ABCB5: variants seen among roughly 807,000 people sequenced by gnomAD.
The protein encoded by ABCB5 is ATP-binding cassette sub-family B member 5.
A neutral mutation model predicts 144.2 loss-of-function variants in ABCB5; 155 were observed. The observed-to-expected ratio is 1.08, with a 90% CI of 0.94 to 1.23. The LOEUF is 1.23. ABCB5 is among the 50% of genes most tolerant of loss of function. The pLI, the probability that ABCB5 is intolerant of heterozygous loss-of-function variation, is 0.00. For missense variants in ABCB5, 1,830 were observed against 1,520.8 expected, an observed-to-expected ratio of 1.20 and a Z score of -3.38; for synonymous variants, 610 against 528.6, an observed-to-expected ratio of 1.15 and a Z score of -2.11.
At chr7:20,625,795 G>T (rs368670705) in intron 2 of ABCB5, among the ~76,000 whole-genome samples, 2 of 152,042 alleles carry the variant, frequency 1.3e-5, no homozygotes, top group African/African-American at 4.8e-5. Context: ...TTCTACTTCC[G>T]GGTATATACT....
chr7:20,665,172 T>C (rs957687544), intron 14 of ABCB5, among the ~76,000 whole-genome samples: 1 of 152,198 alleles, frequency 6.6e-6, no homozygotes, highest in Non-Finnish European at 1.5e-5. Context: ...GTTTCTTTTC[T>C]AAAGGGTCTT....
intron 14 of ABCB5, among the ~76,000 whole-genome samples, chr7:20,666,534 T>C (rs1785200817): frequency 6.6e-6 from 1 of 152,210 alleles, no homozygotes; most frequent in African/African-American, 2.4e-5. Context: ...AGGGATGTTT[T>C]AAAGCACCCT....
At chr7:20,693,040 G>T (rs1246591400) in intron 16 of ABCB5, among the ~76,000 whole-genome samples, 1 of 152,120 alleles carries the variant, frequency 6.6e-6, no homozygotes, top group African/African-American at 2.4e-5. Flanking sequence ...AACATTTGTA[G>T]AAGACTTCAC....
Position 20,742,893 on chromosome 7 carries a change from ATT to A in ABCB5, c.3043_3044del (p.Leu1015ArgfsTer26), listed in dbSNP as rs146201784. 1 of 1,614,122 alleles carries A rather than the reference ATT, an allele frequency of 6.2e-7. No individual in the cohort carries two copies. The highest frequency in any genetic ancestry group is 1.1e-5 in the South Asian group (1 of 91,072). On this transcript the variant is annotated frameshift_variant, in exon 25 of 28. Transcript: ENST00000404938. LOFTEE classifies it high-confidence loss of function. ...CTTTCACAGGACACATGTGAAGGGAATTTAGAGTTTCGAGAAGTCTCTTTCTT... is the reference window on the plus strand; with the variant it reads ...CTTTCACAGGACACATGTGAAGGGAATAGAGTTTCGAGAAGTCTCTTTCTT...
At position 20,755,760 on chromosome 7, in the gene ABCB5, C is replaced by T. The variant is rs762499792; in HGVS notation, c.*136C>T. Reference sequence around the variant, plus strand: ...CATGCTACTCAAGTACATACATGTTCTATTCACACACCATCTGACCTTCAG... The same window carrying T: ...CATGCTACTCAAGTACATACATGTTTTATTCACACACCATCTGACCTTCAG... On this transcript the variant is annotated 3_prime_UTR_variant, in exon 28 of 28. Coordinates refer to ENST00000404938, the MANE Select transcript of ABCB5 (RefSeq NM_001163941.2). The T allele has an allele frequency of 1.2e-6, 1 of 841,080 alleles. No homozygotes were observed. 52.1% of individuals were successfully genotyped at this position (841,080 alleles called of 1,614,324 possible).
chr7:20,682,253 T>C (rs1785855116), intron 15 of ABCB5, among the ~76,000 whole-genome samples: 2 of 152,150 alleles, frequency 1.3e-5, no homozygotes, highest in Non-Finnish European at 1.5e-5. Context: ...GAAGATACTG[T>C]GATGTTTGGT....
chr7:20,738,687 A>G lies in ABCB5; in HGVS notation c.2868-296A>G, dbSNP rs1393379194. 2.0e-5 allele frequency among the ~76,000 whole-genome samples: 3 copies of G among 152,216 alleles called. No homozygotes were observed. In the South Asian group the frequency reaches 6.2e-4, roughly 31 times the overall value. On this transcript the variant is annotated intron_variant, in intron 23 of 27. Coordinates refer to ENST00000404938, the MANE Select transcript of ABCB5 (RefSeq NM_001163941.2). ...CTCCAAGCAAGCAAGCCTCATATCA[A>G]GATGACTAAGAAGTTTTATATTCAC...
At chr7:20,710,291 C>T (rs1343872582) in intron 20 of ABCB5, among the ~76,000 whole-genome samples, 11 of 128,844 alleles carry the variant, frequency 8.5e-5, no homozygotes, top group East Asian at 4.9e-4. Context: ...CGTTTGAACC[C>T]GGGAGGCAGA....
At chr7:20,628,486 A>G (rs1783959543) in intron 3 of ABCB5, among the ~76,000 whole-genome samples, 1 of 152,074 alleles carries the variant, frequency 6.6e-6, no homozygotes, top group Non-Finnish European at 1.5e-5. Flanking sequence ...TTTAAAGGAG[A>G]TGGTAAATTC....
At chr7:20,660,094 A>G (rs1229301578) in intron 14 of ABCB5, 1 of 985,002 alleles carries the variant, frequency 1.0e-6, no homozygotes, top group Non-Finnish European at 1.2e-6. Flanking sequence ...TAGGTAATCA[A>G]AACTAGTTCA....
chr7:20,700,076 GC>G lies in ABCB5; in HGVS notation c.2279del (p.Ala760GlufsTer5), dbSNP rs765932110. ...TTTTCAGGGATTATTTTACGGCAGA[GC>G]AGGGGAAATTTTAACGATGAGATTA... ...YFMQGLFYGRAGEILTMRLRH... is the reference protein window; with the variant it reads ...YFMQGLFYGRXGEILTMRLRH... On this transcript the variant is annotated frameshift_variant, in exon 19 of 28. Coordinates refer to ENST00000404938, the MANE Select transcript of ABCB5 (RefSeq NM_001163941.2). LOFTEE classifies it high-confidence loss of function. 6.2e-7 allele frequency: 1 copy of G among 1,613,780 alleles called. No homozygotes were observed. Among genetic ancestry groups the G allele is most frequent in the Admixed American group, 1.7e-5 (1 of 60,012 alleles).
chr7:20,731,812 T>A (rs1223309751), intron 23 of ABCB5, among the ~76,000 whole-genome samples: 1 of 152,022 alleles, frequency 6.6e-6, no homozygotes, highest in African/African-American at 2.4e-5. Context: ...TGACTCTAAT[T>A]CCAAAATTCT....
chr7:20,722,475 C>T (rs1411815819), intron 20 of ABCB5, among the ~76,000 whole-genome samples: 2 of 152,170 alleles, frequency 1.3e-5, no homozygotes, highest in African/African-American at 4.8e-5. Flanking sequence ...TGCTTCTATA[C>T]AGTCTTCTAT....
intron 14 of ABCB5, among the ~76,000 whole-genome samples, chr7:20,664,935 T>C (rs1224994680): frequency 6.6e-6 from 1 of 152,154 alleles, no homozygotes; most frequent in African/African-American, 2.4e-5. Context: ...AATAAAATAA[T>C]AAAATGATTT....
intron 14 of ABCB5, 95 bp from the exon 15 acceptor site, chr7:20,681,410 A>G: frequency 7.3e-7 from 1 of 1,370,086 alleles, no homozygotes; most frequent in Non-Finnish European, 9.9e-7. Context: ...TACAGGCATG[A>G]GCCACCATGC....
At chr7:20,709,058 C>T (rs890337204) in intron 20 of ABCB5, among the ~76,000 whole-genome samples, 2 of 152,198 alleles carry the variant, frequency 1.3e-5, no homozygotes, top group African/African-American at 2.4e-5. Context: ...GGAAAAACTA[C>T]TCAAAATAAT....
chr7:20,645,534 G>T (rs1431981456), intron 7 of ABCB5, among the ~76,000 whole-genome samples: 1 of 152,200 alleles, frequency 6.6e-6, no homozygotes, highest in African/African-American at 2.4e-5. Context: ...AAAAGGGCAT[G>T]TGAAATCAGG....
intron 14 of ABCB5, among the ~76,000 whole-genome samples, chr7:20,660,738 A>C (rs6952128): frequency 0.41 from 61,618 of 151,964 alleles, 14,023 homozygotes; most frequent in African/African-American, 0.63. Flanking sequence ...TAACAGTTTT[A>C]TGCTGCTCAA....
chr7:20,642,663 T>C (rs1049785436), intron 5 of ABCB5, among the ~76,000 whole-genome samples: 1 of 152,252 alleles, frequency 6.6e-6, no homozygotes, highest in Non-Finnish European at 1.5e-5. Flanking sequence ...ATTTCTTATC[T>C]GATCTCCTCC....
Sources: gnomAD v4.1 joint callset for allele counts (sites outside exome capture counted in the v4.1 genomes callset) on GRCh38, gnomAD v4.1.1 for gene constraint, MANE v1.5 for transcripts, NCBI Gene and HGNC (gene_info 2026-07-23, HGNC 2026-07-21) for gene names.